The following LRBA variants were observed in gnomAD, a reference collection of about 807,000 sequenced individuals.
LRBA encodes the protein LPS responsive beige-like anchor protein.
In LRBA, 176 loss-of-function variants were observed where a neutral mutation model predicts 330.0. The observed-to-expected ratio is 0.53, with a 90% CI of 0.47 to 0.60. LRBA has a LOEUF of 0.60. LRBA is among the 20% of genes least tolerant of loss of function. LRBA has a pLI of 0.00. For synonymous variants in LRBA, 1,230 were observed against 1,193.0 expected, an observed-to-expected ratio of 1.03 and a Z score of -0.64; for missense variants, 3,259 against 3,444.8, an observed-to-expected ratio of 0.95 and a Z score of 1.35.
intron 28 of LRBA, among the ~76,000 whole-genome samples, chr4:150,841,428 A>G (rs534710464): frequency 1.3e-5 from 2 of 152,306 alleles, no homozygotes; most frequent in Non-Finnish European, 2.9e-5. Context: ...TACTTACCGT[A>G]GGCCAGGCAC....
intron 40 of LRBA, among the ~76,000 whole-genome samples, chr4:150,494,092 GA>G (rs924577535): frequency 6.6e-6 from 1 of 150,852 alleles, no homozygotes; most frequent in Non-Finnish European, 1.5e-5. Flanking sequence ...TCTAAAAAAA[GA>G]AAAAAAAGAA....
chr4:150,302,573 G>GTTA, intron 53 of LRBA, 52 bp downstream of exon 53: 1 of 1,312,418 alleles, frequency 7.6e-7, no homozygotes, highest in Non-Finnish European at 1.0e-6. Flanking sequence ...ACTGCAAAAT[G>GTTA]TTATTCTCTA....
chr4:150,336,252 A>G (rs1283440894), intron 48 of LRBA, among the ~76,000 whole-genome samples: 1 of 152,176 alleles, frequency 6.6e-6, no homozygotes, highest in Non-Finnish European at 1.5e-5. Flanking sequence ...CAGTTGATAA[A>G]CTGGTCAAAA....
chr4:150,501,849 A>G (rs1331291897), intron 40 of LRBA, among the ~76,000 whole-genome samples: 6 of 152,232 alleles, frequency 3.9e-5, no homozygotes, highest in Non-Finnish European at 8.8e-5. Context: ...AATATTAAAT[A>G]TTAAGCAATA....
intron 36 of LRBA, among the ~76,000 whole-genome samples, chr4:150,711,649 C>T (rs575169207): frequency 6.5e-4 from 99 of 152,216 alleles, no homozygotes; most frequent in African/African-American, 2.1e-3. Flanking sequence ...TCACTACCTT[C>T]TAGAGAATAT....
chr4:150,964,429 T>C lies in LRBA; in HGVS notation c.217-35364A>G, dbSNP rs1405515759. 2.0e-5 allele frequency among the ~76,000 whole-genome samples: 3 copies of C among 149,642 alleles called. 1 individual carries two copies. The highest frequency in any genetic ancestry group is 7.7e-5 in the African/African-American group (3 of 38,976). On this transcript the variant is annotated intron_variant, in intron 2 of 56. Coordinates refer to ENST00000651943, the MANE Select transcript of LRBA (RefSeq NM_001364905.1). ...AAGGAGAGGTCGGATTGTTATTGTGTCTGTGTGGAAAGAAGTAGACATAGG... is the reference window on the plus strand; with the variant it reads ...AAGGAGAGGTCGGATTGTTATTGTGCCTGTGTGGAAAGAAGTAGACATAGG...
chr4:150,509,462 T>C (rs915436122), intron 40 of LRBA, among the ~76,000 whole-genome samples: 4 of 151,940 alleles, frequency 2.6e-5, no homozygotes, highest in Non-Finnish European at 5.9e-5. Flanking sequence ...GAAAGATCTC[T>C]TTTCAGTGAT....
At chr4:150,569,113 C>T (rs559384909) in intron 40 of LRBA, among the ~76,000 whole-genome samples, 8 of 152,164 alleles carry the variant, frequency 5.3e-5, no homozygotes, top group Non-Finnish European at 7.4e-5. Context: ...GTTTGCCACA[C>T]AGTAAATGTT....
At chr4:150,562,373 A>C (rs1341258823) in intron 40 of LRBA, among the ~76,000 whole-genome samples, 1 of 152,212 alleles carries the variant, frequency 6.6e-6, no homozygotes, top group Non-Finnish European at 1.5e-5. Context: ...GCAAAATGTA[A>C]TGGGACAGCA....
At chr4:150,906,102 A>T (rs1731308609) in intron 12 of LRBA, 112 bp from the exon 13 acceptor site, 6 of 930,748 alleles carry the variant, frequency 6.4e-6, no homozygotes, top group Admixed American at 2.2e-5. Flanking sequence ...AAAGTTAAAG[A>T]TGCCATGAAG....
At chr4:150,305,396 GATT>G (rs1278205938) in intron 52 of LRBA, among the ~76,000 whole-genome samples, 1 of 152,146 alleles carries the variant, frequency 6.6e-6, no homozygotes, top group East Asian at 1.9e-4. Flanking sequence ...TTAGTGTTTT[GATT>G]GTTTTCCAAA....
intron 34 of LRBA, among the ~76,000 whole-genome samples, chr4:150,765,224 T>C (rs1735607217): frequency 1.3e-5 from 2 of 151,942 alleles, no homozygotes; most frequent in African/African-American, 2.4e-5. Flanking sequence ...GGCAAAACTA[T>C]GGAGAAATGT....
chr4:150,485,368 T>C (rs1298896915), intron 42 of LRBA, among the ~76,000 whole-genome samples: 3 of 152,000 alleles, frequency 2.0e-5, no homozygotes, highest in African/African-American at 7.2e-5. Flanking sequence ...TCTGATAATA[T>C]AATGCTTTGT....
intron 47 of LRBA, among the ~76,000 whole-genome samples, chr4:150,397,369 C>G (rs1243133483): frequency 6.6e-6 from 1 of 152,098 alleles, no homozygotes; most frequent in Middle Eastern, 3.2e-3. Context: ...GCCTCAGCCT[C>G]CCAGGCTCAA....
chr4:150,555,488 C>T (rs1033302455), intron 40 of LRBA, among the ~76,000 whole-genome samples: 5 of 152,106 alleles, frequency 3.3e-5, no homozygotes, highest in African/African-American at 9.7e-5. Context: ...GCTGGGTGCA[C>T]GCCTGTAATC....
intron 40 of LRBA, among the ~76,000 whole-genome samples, chr4:150,556,806 T>C (rs931505996): frequency 2.6e-5 from 4 of 152,226 alleles, no homozygotes; most frequent in African/African-American, 9.6e-5. Context: ...ATTGGATACT[T>C]CTTCCTAAAT....
intron 37 of LRBA, among the ~76,000 whole-genome samples, chr4:150,642,067 TAA>T (rs1778732045): frequency 6.6e-6 from 1 of 152,062 alleles, no homozygotes; most frequent in Non-Finnish European, 1.5e-5. Context: ...TACAGTATTC[TAA>T]GTTTTAAACA....
At chr4:150,465,845 C>A (rs1755381043) in intron 44 of LRBA, among the ~76,000 whole-genome samples, 1 of 151,892 alleles carries the variant, frequency 6.6e-6, no homozygotes, top group African/African-American at 2.4e-5. Context: ...TAGCTCTAAG[C>A]ACTATATCAG....
intron 22 of LRBA, among the ~76,000 whole-genome samples, chr4:150,861,180 G>T (rs1368868360): frequency 6.6e-6 from 1 of 151,812 alleles, no homozygotes; most frequent in South Asian, 2.1e-4. Flanking sequence ...TCACTGTTAC[G>T]TTACTTCAAA....
Sources: gnomAD v4.1 joint callset for allele counts (sites outside exome capture counted in the v4.1 genomes callset) on GRCh38, gnomAD v4.1.1 for gene constraint, MANE v1.5 for transcripts, NCBI Gene and HGNC (gene_info 2026-07-23, HGNC 2026-07-21) for gene names.